GNB1: variants seen among roughly 807,000 people sequenced by gnomAD.
The protein encoded by GNB1 is G protein subunit beta 1.
Under a neutral mutation model 42.9 loss-of-function variants are expected in GNB1, and 2 were observed. That is an observed-to-expected ratio of 0.05 (90% CI 0.02 to 0.15). The LOEUF (loss-of-function observed/expected upper bound fraction) is 0.15, where lower values mean the gene tolerates loss of function less well. GNB1 is among the 10% of genes least tolerant of loss of function. The probability of loss-of-function intolerance (pLI) is 1.00; values close to 1 mark genes in which losing one functional copy is unlikely to be tolerated. For missense variants in GNB1, 193 were observed against 462.2 expected (o/e 0.42, Z 5.34); for synonymous variants, 183 against 174.7 (o/e 1.05, Z -0.38).
chr1:1,820,356 TAAAA>T (rs35466451), intron 3 of GNB1, among the ~76,000 whole-genome samples: 1 of 101,872 alleles, frequency 9.8e-6, no homozygotes, highest in Non-Finnish European at 1.9e-5. Context: ...AGACTCTGTT[TAAAA>T]AAAAAAAAAA....
intron 1 of GNB1, among the ~76,000 whole-genome samples, chr1:1,867,375 C>T (rs1353628890): frequency 6.6e-6 from 1 of 152,162 alleles, no homozygotes; most frequent in Non-Finnish European, 1.5e-5. Context: ...TTTATTGAGA[C>T]CTACTATGTA....
chr1:1,881,577 T>A (rs895446216), intron 1 of GNB1, among the ~76,000 whole-genome samples: 14 of 152,030 alleles, frequency 9.2e-5, no homozygotes, highest in Non-Finnish European at 2.1e-4. Flanking sequence ...TTTTTATATG[T>A]TTAGTAGAGA....
intron 7 of GNB1, 111 bp downstream of exon 7, chr1:1,804,308 A>T: frequency 2.7e-6 from 2 of 735,288 alleles, no homozygotes; most frequent in Non-Finnish European, 4.5e-6. Flanking sequence ...CAAAAAAAAT[A>T]ATTAATTAAT....
intron 5 of GNB1, among the ~76,000 whole-genome samples, chr1:1,812,428 A>ACACC (rs1553195498): frequency 6.8e-6 from 1 of 148,130 alleles, no homozygotes; most frequent in Non-Finnish European, 1.5e-5. Flanking sequence ...ACACACACAC[A>ACACC]CCCTCCCCCC....
chr1:1,804,589 C>G lies in GNB1; in HGVS notation c.268-8G>C. On this transcript the variant is annotated splice_region_variant and splice_polypyrimidine_tract_variant and intron_variant, in intron 6 of 11. Transcript: ENST00000378609. The stretch of plus-strand genomic sequence containing the variant: ...CAGAGGGATGGCGTGGACCTAATGA[C>G]AGAAAGACAGATGATGCAAACAACT... The G allele has an allele frequency of 1.3e-6, 2 of 1,553,784 alleles. No individual in the cohort carries two copies. Among genetic ancestry groups the G allele is most frequent in the East Asian group, 2.4e-5 (1 of 42,174 alleles).
chr1:1,814,922 C>T (rs1646831645), intron 5 of GNB1, among the ~76,000 whole-genome samples: 1 of 151,374 alleles, frequency 6.6e-6, no homozygotes, highest in Non-Finnish European at 1.5e-5. Context: ...ACCATCCTGG[C>T]TAACATGGTG....
At chr1:1,884,574 T>C (rs931698299) in intron 1 of GNB1, among the ~76,000 whole-genome samples, 2 of 152,102 alleles carry the variant, frequency 1.3e-5, no homozygotes, top group Admixed American at 6.5e-5. Context: ...GTAATCAACA[T>C]AGGGAATATA....
chr1:1,869,185 C>CAAAA (rs71578347), intron 1 of GNB1, among the ~76,000 whole-genome samples: 3 of 26,742 alleles, frequency 1.1e-4, no homozygotes, highest in African/African-American at 3.9e-4. Flanking sequence ...GACACCTTCT[C>CAAAA]AAAAAAAAAA....
chr1:1,790,642 G>A lies in GNB1; in HGVS notation c.498-46C>T, dbSNP rs568867207. ...AAGGGGACATCAGCCTTAACTTCTT[G>A]GGTGGCTAGTCATGTGACAGACAAT... On this transcript the variant is annotated intron_variant, in intron 8 of 11. Coordinates refer to ENST00000378609, the MANE Select transcript of GNB1 (RefSeq NM_002074.5). The surrounding 1 kb of genome is among the most constrained non-coding windows in gnomAD (Gnocchi z 5.4). The A allele has an allele frequency of 1.0e-5, 14 of 1,350,944 alleles. No individual in the cohort carries two copies. The South Asian group carries it at 1.5e-4, about 15-fold the overall frequency. The allele number at this position is 1,350,944 out of a possible 1,614,324, so 83.7% of individuals were successfully genotyped here.
At chr1:1,888,095 C>A (rs1483526844) in intron 1 of GNB1, among the ~76,000 whole-genome samples, 1 of 152,182 alleles carries the variant, frequency 6.6e-6, no homozygotes, top group African/African-American at 2.4e-5. Flanking sequence ...CTGAAGAGCA[C>A]TGTCAGTACT....
chr1:1,843,393 A>AT (rs537966058), intron 1 of GNB1, among the ~76,000 whole-genome samples: 67 of 151,852 alleles, frequency 4.4e-4, no homozygotes, highest in African/African-American at 1.6e-3. Context: ...CTAATTAAAA[A>AT]ATATATATAT....
At chr1:1,808,092 C>T (rs1646726406) in intron 5 of GNB1, among the ~76,000 whole-genome samples, 2 of 152,076 alleles carry the variant, frequency 1.3e-5, no homozygotes, top group Admixed American at 1.3e-4. Context: ...GCAACCTCCA[C>T]TTCCCAGATT....
intron 1 of GNB1, among the ~76,000 whole-genome samples, chr1:1,872,614 G>T (rs1649307505): frequency 6.6e-6 from 1 of 152,084 alleles, no homozygotes; most frequent in Non-Finnish European, 1.5e-5. Flanking sequence ...TGCAATCACT[G>T]CCCTCTCCAC....
intron 1 of GNB1, among the ~76,000 whole-genome samples, chr1:1,889,006 AT>A (rs1650315263): frequency 6.6e-6 from 1 of 152,202 alleles, no homozygotes; most frequent in South Asian, 2.1e-4. Context: ...CTTTCTTGAT[AT>A]ACATACCTTC....
chr1:1,887,438 C>A (rs764999047), intron 1 of GNB1, among the ~76,000 whole-genome samples: 1 of 152,094 alleles, frequency 6.6e-6, no homozygotes, highest in African/African-American at 2.4e-5. Context: ...TAAAATAAAC[C>A]AAAAGACCCA....
intron 1 of GNB1, among the ~76,000 whole-genome samples, chr1:1,859,634 A>C (rs1371657458): frequency 6.6e-6 from 1 of 150,502 alleles, no homozygotes; most frequent in African/African-American, 2.4e-5. Flanking sequence ...AGAAAATGTA[A>C]AGAAAGGGGG....
intron 1 of GNB1, among the ~76,000 whole-genome samples, chr1:1,860,212 G>A (rs932868813): frequency 6.6e-6 from 1 of 152,132 alleles, no homozygotes; most frequent in African/African-American, 2.4e-5. Context: ...TCATTTATAA[G>A]TGGGAGCTAA....
At chr1:1,802,679 G>A (rs537712180) in intron 7 of GNB1, among the ~76,000 whole-genome samples, 4 of 151,508 alleles carry the variant, frequency 2.6e-5, no homozygotes, top group East Asian at 3.9e-4. Context: ...CAGGAGAATC[G>A]CTTGAACCCA....
At chr1:1,807,100 A>G (rs1276944142) in intron 5 of GNB1, among the ~76,000 whole-genome samples, 1 of 152,188 alleles carries the variant, frequency 6.6e-6, no homozygotes, top group Admixed American at 6.5e-5. Flanking sequence ...TGCAGGCCAC[A>G]TCACCCCTGG....
Sources: gnomAD v4.1 joint callset for allele counts (sites outside exome capture counted in the v4.1 genomes callset) on GRCh38, gnomAD v4.1.1 for gene constraint, Gnocchi (gnomAD v3.1) non-coding constraint, MANE v1.5 for transcripts, NCBI Gene and HGNC (gene_info 2026-07-23, HGNC 2026-07-21) for gene names.